TMEM132D: variants seen among roughly 807,000 people sequenced by gnomAD.
TMEM132D encodes the protein mature OL transmembrane protein.
In TMEM132D, 21 loss-of-function variants were observed where a neutral mutation model predicts 62.3. That is an observed-to-expected ratio of 0.34 (90% CI 0.24 to 0.49). The LOEUF is 0.49. TMEM132D is among the 20% of genes least tolerant of loss of function. The probability of loss-of-function intolerance (pLI) is 0.99; values close to 1 mark genes in which losing one functional copy is unlikely to be tolerated. For missense variants in TMEM132D, 1,346 were observed against 1,402.8 expected, an observed-to-expected ratio of 0.96 and a Z score of 0.65; for synonymous variants, 621 against 575.6, an observed-to-expected ratio of 1.08 and a Z score of -1.13.
chr12:129,154,885 T>C (rs1426558395), intron 5 of TMEM132D, among the ~76,000 whole-genome samples: 2 of 152,230 alleles, frequency 1.3e-5, no homozygotes, highest in Non-Finnish European at 2.9e-5. Flanking sequence ...ATGCAATTGC[T>C]GTTGATTTCT....
At position 129,302,865 on chromosome 12, in the gene TMEM132D, A is replaced by C. The variant is rs540267465; in HGVS notation, c.1299+34769T>G. 4.6e-5 allele frequency among the ~76,000 whole-genome samples: 7 copies of C among 152,332 alleles called. No individual in the cohort carries two copies. The South Asian group carries it at 1.0e-3, about 23-fold the overall frequency. On this transcript the variant is annotated intron_variant, in intron 4 of 8. Transcript: ENST00000422113. ...GACCAAAGGAAAGTTGTGGATATAA[A>C]GCAAGGGACAGAGGCCTGGATCCCA...
At chr12:129,447,280 T>G (rs1370889842) in intron 3 of TMEM132D, among the ~76,000 whole-genome samples, 2 of 152,222 alleles carry the variant, frequency 1.3e-5, no homozygotes, top group African/African-American at 4.8e-5. Flanking sequence ...CTCACTTCAG[T>G]CATTGTAACT....
chr12:129,830,765 G>A (rs953898743), intron 1 of TMEM132D, among the ~76,000 whole-genome samples: 1 of 152,060 alleles, frequency 6.6e-6, no homozygotes, highest in Admixed American at 6.6e-5. Context: ...TACGTAGAAA[G>A]CACTTTATAA....
At chr12:129,687,290 A>C (rs963846981) in intron 2 of TMEM132D, among the ~76,000 whole-genome samples, 1 of 152,152 alleles carries the variant, frequency 6.6e-6, no homozygotes, top group Non-Finnish European at 1.5e-5. Context: ...ACAAATGTCA[A>C]ATCTCCTTTT....
At chr12:129,532,483 C>T (rs370947356) in intron 2 of TMEM132D, among the ~76,000 whole-genome samples, 3 of 152,184 alleles carry the variant, frequency 2.0e-5, no homozygotes, top group East Asian at 1.9e-4. Flanking sequence ...AAGCAGGACA[C>T]GTCTGTCCCT....
At chr12:129,747,696 C>T (rs1171138623) in intron 1 of TMEM132D, among the ~76,000 whole-genome samples, 4 of 149,844 alleles carry the variant, frequency 2.7e-5, no homozygotes, top group Non-Finnish European at 4.5e-5. Flanking sequence ...TGCACTCAGA[C>T]ACACTCAACA....
chr12:129,466,017 A>G lies in TMEM132D; in HGVS notation c.1115+65042T>C, dbSNP rs1873879909. ...TCATTTTAAAGTGGAGACATTCATAATATCTACGGCACAGGATTAATGTAA... is the reference window on the plus strand; with the variant it reads ...TCATTTTAAAGTGGAGACATTCATAGTATCTACGGCACAGGATTAATGTAA... On this transcript the variant is annotated intron_variant, in intron 3 of 8. Transcript: ENST00000422113. Among the ~76,000 whole-genome samples, 3 of 152,206 alleles carry G rather than the reference A, an allele frequency of 2.0e-5. No homozygotes were observed. The South Asian group carries it at 6.2e-4, about 32-fold the overall frequency.
chr12:129,240,874 T>C (rs565025210), intron 4 of TMEM132D, among the ~76,000 whole-genome samples: 1 of 152,286 alleles, frequency 6.6e-6, no homozygotes, highest in South Asian at 2.1e-4. Context: ...AGCCTGAGGC[T>C]TCTGAGACAT....
At chr12:129,772,977 A>C (rs1381851429) in intron 1 of TMEM132D, among the ~76,000 whole-genome samples, 2 of 152,324 alleles carry the variant, frequency 1.3e-5, no homozygotes, top group East Asian at 3.9e-4. Context: ...AGGAAGCAAG[A>C]GCAAACAGGA....
intron 2 of TMEM132D, among the ~76,000 whole-genome samples, chr12:129,585,762 T>G (rs1878008184): frequency 6.6e-6 from 1 of 151,990 alleles, no homozygotes; most frequent in Non-Finnish European, 1.5e-5. Context: ...TTCCTCAAAA[T>G]GAAAGTATCA....
chr12:129,649,704 A>T (rs1879870849), intron 2 of TMEM132D, among the ~76,000 whole-genome samples: 1 of 152,118 alleles, frequency 6.6e-6, no homozygotes, highest in Non-Finnish European at 1.5e-5. Flanking sequence ...ATAAAAAGGT[A>T]TATATACATG....
At chr12:129,517,084 T>C (rs1484594893) in intron 3 of TMEM132D, among the ~76,000 whole-genome samples, 2 of 152,152 alleles carry the variant, frequency 1.3e-5, no homozygotes, top group Non-Finnish European at 2.9e-5. Flanking sequence ...AAAGACTCTG[T>C]TGCCATGTAA....
At chr12:129,496,136 T>C (rs978425423) in intron 3 of TMEM132D, among the ~76,000 whole-genome samples, 1 of 152,210 alleles carries the variant, frequency 6.6e-6, no homozygotes, top group African/African-American at 2.4e-5. Flanking sequence ...TAACATTACA[T>C]GCAATGAATA....
At chr12:129,392,540 C>A (rs775616545) in intron 3 of TMEM132D, among the ~76,000 whole-genome samples, 10 of 152,194 alleles carry the variant, frequency 6.6e-5, no homozygotes, top group African/African-American at 9.6e-5. Context: ...GTTGACAACA[C>A]CCTCCCTGTA....
At chr12:129,208,742 C>T (rs1317851627) in intron 5 of TMEM132D, 5 of 152,234 alleles carry the variant, frequency 3.3e-5, no homozygotes, top group African/African-American at 1.2e-4. Flanking sequence ...CCTGCTGCAT[C>T]TGTCACTGCA....
chr12:129,484,523 C>T (rs1397670604), intron 3 of TMEM132D, among the ~76,000 whole-genome samples: 1 of 152,200 alleles, frequency 6.6e-6, no homozygotes, highest in East Asian at 1.9e-4. Context: ...AAAAGTCACC[C>T]AGCTCTCCAT....
intron 4 of TMEM132D, among the ~76,000 whole-genome samples, chr12:129,239,208 T>C (rs932058504): frequency 6.6e-6 from 1 of 152,206 alleles, no homozygotes; most frequent in Non-Finnish European, 1.5e-5. Flanking sequence ...TGAGCTGTAG[T>C]TGGAGGAATT....
At chr12:129,441,369 C>T (rs1872931808) in intron 3 of TMEM132D, among the ~76,000 whole-genome samples, 1 of 152,092 alleles carries the variant, frequency 6.6e-6, no homozygotes, top group African/African-American at 2.4e-5. Flanking sequence ...AACTAGAAAC[C>T]ATAAGAGGAA....
Position 129,506,146 on chromosome 12 carries a change from C to A in TMEM132D, c.1115+24913G>T, listed in dbSNP as rs34674900. On this transcript the variant is annotated intron_variant, in intron 3 of 8. Coordinates refer to ENST00000422113, the MANE Select transcript of TMEM132D (RefSeq NM_133448.3). The stretch of plus-strand genomic sequence containing the variant: ...GTGAGATTTATGCTTTAAAGAGGTT[C>A]TGTTTTGATGTGTTTTCAGGCTTTG... Among the ~76,000 whole-genome samples, 1,472 of 152,236 alleles carry A rather than the reference C, an allele frequency of 9.7e-3. 9 individuals carry two copies. The highest frequency in any genetic ancestry group is 0.027 in the Middle Eastern group (8 of 294).
Sources: allele counts gnomAD v4.1 joint callset (sites outside exome capture counted in the v4.1 genomes callset), GRCh38; gene constraint gnomAD v4.1.1; transcripts MANE v1.5; gene names NCBI Gene and HGNC (gene_info 2026-07-23, HGNC 2026-07-21).